The following PGGT1B variants were observed in gnomAD, a reference collection of about 807,000 sequenced individuals.
PGGT1B encodes protein geranylgeranyltransferase type I subunit beta, also known as geranylgeranyl transferase type-1 subunit beta.
Under a neutral mutation model 46.1 loss-of-function variants are expected in PGGT1B, and 30 were observed. That is an observed-to-expected ratio of 0.65 (90% CI 0.49 to 0.88). The LOEUF is 0.88. Ranked by LOEUF, PGGT1B falls within the 40% of genes least tolerant of loss-of-function variation. PGGT1B has a pLI of 0.00. For synonymous variants in PGGT1B, 170 were observed against 160.0 expected (o/e 1.06, Z -0.47); for missense variants, 376 against 455.9 (o/e 0.82, Z 1.60).
intron 2 of PGGT1B, among the ~76,000 whole-genome samples, chr5:115,246,041 ATTTTCACCACTTAAT>A (rs1297891181): frequency 6.6e-6 from 1 of 152,104 alleles, no homozygotes; most frequent in African/African-American, 2.4e-5. Context: ...AGGAGGTAAC[ATTTTCACCACTTAAT>A]TTTTCACCAC....
intron 2 of PGGT1B, among the ~76,000 whole-genome samples, chr5:115,242,324 T>C (rs1757373009): frequency 6.6e-6 from 1 of 152,172 alleles, no homozygotes; most frequent in Non-Finnish European, 1.5e-5. Flanking sequence ...CAATTATGGT[T>C]TTAATAGCTA....
rs1314671511 is a variant in PGGT1B, at chr5:115,208,886, C to G, written c.*3516G>C. 3.3e-5 allele frequency: 5 copies of G among 151,818 alleles called. No homozygotes were observed. The highest frequency in any genetic ancestry group is 1.5e-5 in the Non-Finnish European group (1 of 67,918). 9.4% of individuals were successfully genotyped at this position (151,818 alleles called of 1,614,324 possible). A position where few individuals can be genotyped will look rare whatever the true frequency, so the allele number is the denominator to read the frequency against. ...TTTTTGGCAAATATTAGGTTTTTAT[C>G]TGTCTTGTGGTCATGTCCTTCCGGT... On this transcript the variant is annotated 3_prime_UTR_variant, in exon 9 of 9. Coordinates refer to ENST00000419445, the MANE Select transcript of PGGT1B (RefSeq NM_005023.4).
At chr5:115,249,663 C>T (rs155573) in intron 2 of PGGT1B, among the ~76,000 whole-genome samples, 110,935 of 151,894 alleles carry the variant, frequency 0.73, 41,764 homozygotes, top group African/African-American at 0.93. Context: ...GTGGGGCAGG[C>T]GATTGAAAAA....
chr5:115,216,904 G>C lies in PGGT1B; in HGVS notation c.913C>G (p.Leu305Val). ...RNYILSTQDR[L>V]VGGFAKWPDS... ...GGCCACTTGGCAAATCCCCCTACAA[G>C]GCGATCTTGAGTTGATAAGATGTAA... is the stretch of plus-strand genomic sequence containing the variant. The change falls in exon 8 of 9, where the codon CTT (leucine) becomes GTT (valine). Residue 305 changes from leucine (L) to valine (V), a missense_variant. Coordinates refer to ENST00000419445, the MANE Select transcript of PGGT1B (RefSeq NM_005023.4). The C allele has an allele frequency of 3.1e-6, 5 of 1,597,568 alleles. No homozygotes were observed. The highest frequency in any genetic ancestry group is 4.3e-6 in the Non-Finnish European group (5 of 1,167,492).
intron 2 of PGGT1B, among the ~76,000 whole-genome samples, chr5:115,244,167 G>A (rs1159546117): frequency 6.6e-6 from 1 of 152,068 alleles, no homozygotes; most frequent in Admixed American, 6.5e-5. Flanking sequence ...AACATCTTTA[G>A]AATTCTACCT....
rs183013667 is a variant in PGGT1B, at chr5:115,208,144, A to T, written c.*4258T>A. Reference sequence around the variant, plus strand: ...GTTATCATTAAAACTTTTTATTAATATTCATGAGATTGCTCTATATTTTCT... The same window carrying T: ...GTTATCATTAAAACTTTTTATTAATTTTCATGAGATTGCTCTATATTTTCT... On this transcript the variant is annotated 3_prime_UTR_variant, in exon 9 of 9. Transcript: ENST00000419445. 4.6e-5 allele frequency: 7 copies of T among 152,118 alleles called. No individual in the cohort carries two copies. Among genetic ancestry groups the T allele is most frequent in the African/African-American group, 1.7e-4 (7 of 41,536 alleles). 9.4% of individuals were successfully genotyped at this position (152,118 alleles called of 1,614,324 possible).
chr5:115,260,427 G>GT (rs1180936501), intron 1 of PGGT1B, among the ~76,000 whole-genome samples: 1 of 152,066 alleles, frequency 6.6e-6, no homozygotes, highest in Non-Finnish European at 1.5e-5. Flanking sequence ...GCAATACCAG[G>GT]TAAGAGTTGT....
intron 7 of PGGT1B, among the ~76,000 whole-genome samples, chr5:115,217,230 G>C (rs1756448144): frequency 6.6e-6 from 1 of 151,654 alleles, no homozygotes; most frequent in Admixed American, 6.6e-5. Context: ...ATCACATTAA[G>C]CTAAATTCAA....
intron 8 of PGGT1B, among the ~76,000 whole-genome samples, chr5:115,216,577 C>T (rs2126989278): frequency 6.6e-6 from 1 of 152,308 alleles, no homozygotes; most frequent in Non-Finnish European, 1.5e-5. Flanking sequence ...GGAAAGGACC[C>T]ATTCAGACCA....
intron 1 of PGGT1B, among the ~76,000 whole-genome samples, chr5:115,255,947 A>C (rs906724654): frequency 6.6e-6 from 1 of 152,174 alleles, no homozygotes; most frequent in African/African-American, 2.4e-5. Context: ...ACAAACGACC[A>C]AAACACCACC....
chr5:115,259,685 C>CAAAAAAA (rs917531364), intron 1 of PGGT1B, among the ~76,000 whole-genome samples: 19 of 29,416 alleles, frequency 6.5e-4, no homozygotes, highest in South Asian at 1.3e-3. Context: ...GAGACTGTCT[C>CAAAAAAA]AAAAAAAAAA....
rs760017406 is a variant in PGGT1B, at chr5:115,262,728, A to T, written c.124T>A (p.Ser42Thr). The change falls in exon 1 of 9, where the codon TCA becomes ACA. Residue 42 changes from serine to threonine, a missense_variant. Transcript: ENST00000419445. ...CLQVLPERYS[S>T]LETSRLTIAF... ...ACGAGTTACCTGCTTGTCTCGAGTG[A>T]AGAATAGCGCTCCGGCAAAACCTGG... 6.8e-6 allele frequency: 11 copies of T among 1,610,904 alleles called. No homozygotes were observed. The East Asian group carries it at 2.2e-4, about 33-fold the overall frequency.
chr5:115,236,783 T>C (rs1018434773), intron 4 of PGGT1B, among the ~76,000 whole-genome samples: 4 of 152,126 alleles, frequency 2.6e-5, no homozygotes, highest in Admixed American at 2.6e-4. Flanking sequence ...TGTTACTCCC[T>C]CCTGGATGCT....
In PGGT1B at chr5:115,207,970, C is replaced by A. The variant is rs1025446973; in HGVS notation, c.*4432G>T. On this transcript the variant is annotated 3_prime_UTR_variant, in exon 9 of 9. Transcript: ENST00000419445. ...AACATAAGTGAGTGCTCAATTCTAT[C>A]ATGTCTTTTCTGCAAAGATGAAGAT... 4 of 151,918 alleles carry A rather than the reference C, an allele frequency of 2.6e-5. No homozygotes were observed. The highest frequency in any genetic ancestry group is 7.2e-5 in the African/African-American group (3 of 41,404). 9.4% of individuals were successfully genotyped at this position (151,918 alleles called of 1,614,324 possible).
intron 6 of PGGT1B, among the ~76,000 whole-genome samples, chr5:115,224,833 C>CAA (rs551706210): frequency 0.018 from 1,194 of 65,702 alleles, 29 homozygotes; most frequent in African/African-American, 0.059. Context: ...GACTATGTCT[C>CAA]AAAAAAAAAA....
rs185585403 is a variant in PGGT1B at position 115,212,369 on chromosome 5, A to G, written c.*33T>C. 2,465 of 1,596,960 alleles carry G rather than the reference A, an allele frequency of 1.5e-3. 46 individuals are homozygous for G. In the African/African-American group the frequency reaches 0.03, roughly 19 times the overall value. On this transcript the variant is annotated 3_prime_UTR_variant, in exon 9 of 9. Coordinates refer to ENST00000419445, the MANE Select transcript of PGGT1B (RefSeq NM_005023.4). ...TTTAAACTTGAGCTACAGTTATGCT[A>G]CAAATCCCCCCACCCTCCCAATCTA...
rs1757248501 is a variant in PGGT1B at position 115,238,299 on chromosome 5, T to TTC, written c.328-291_328-290insGA. ...ATTACTTATTTTTTTGGATTTTTTT[T>TTC]TTTTTTTTTTTTTTTTTTTTTTAGT... On this transcript the variant is annotated intron_variant, in intron 3 of 8. Coordinates refer to ENST00000419445, the MANE Select transcript of PGGT1B (RefSeq NM_005023.4). Among the ~76,000 whole-genome samples, 2 of 116,056 alleles carry TTC rather than the reference T, an allele frequency of 1.7e-5. 1 individual carries two copies. Among genetic ancestry groups the TTC allele is most frequent in the Non-Finnish European group, 3.3e-5 (2 of 59,878 alleles). The allele number at this position is 116,056 out of a possible 152,430, so 76.1% of individuals were successfully genotyped here. A position where few individuals can be genotyped will look rare whatever the true frequency, so the allele number is the denominator to read the frequency against.
chr5:115,218,800 T>C (rs541944705), intron 7 of PGGT1B, among the ~76,000 whole-genome samples: 43 of 151,874 alleles, frequency 2.8e-4, no homozygotes, highest in Non-Finnish European at 5.6e-4. Context: ...GTAGTTACTA[T>C]AGACTAGCAA....
chr5:115,253,681 G>A (rs115454635), intron 1 of PGGT1B, among the ~76,000 whole-genome samples: 385 of 152,082 alleles, frequency 2.5e-3, no homozygotes, highest in African/African-American at 8.9e-3. Flanking sequence ...AGGAATATGA[G>A]AATAATGTCT....
Sources: allele counts gnomAD v4.1 joint callset (sites outside exome capture counted in the v4.1 genomes callset), GRCh38; gene constraint gnomAD v4.1.1; transcripts MANE v1.5; gene names NCBI Gene and HGNC (gene_info 2026-07-23, HGNC 2026-07-21).